GALNTL6: variants seen among roughly 807,000 people sequenced by gnomAD.
The protein encoded by GALNTL6 is polypeptide N-acetylgalactosaminyltransferase-like 6.
Under a neutral mutation model 73.7 loss-of-function variants are expected in GALNTL6, and 46 were observed. The ratio of observed to expected loss-of-function variants is 0.62; its 90% confidence interval spans 0.49 to 0.80. The LOEUF is 0.80. Among genes scored for constraint, GALNTL6 ranks in the 30% least tolerant of loss-of-function variants. The pLI is 0.00. For synonymous variants in GALNTL6, 259 were observed against 263.7 expected, an observed-to-expected ratio of 0.98 and a Z score of 0.17; for missense variants, 604 against 755.0, an observed-to-expected ratio of 0.80 and a Z score of 2.34.
intron 5 of GALNTL6, among the ~76,000 whole-genome samples, chr4:172,532,770 T>C (rs1002434504): frequency 3.3e-5 from 5 of 152,170 alleles, no homozygotes; most frequent in African/African-American, 1.2e-4. Context: ...TATATCTCCA[T>C]GGCTTTGTTT....
At chr4:172,184,043 G>A (rs1269692654) in intron 2 of GALNTL6, among the ~76,000 whole-genome samples, 3 of 151,998 alleles carry the variant, frequency 2.0e-5, no homozygotes, top group African/African-American at 7.3e-5. Context: ...CACCCACCTC[G>A]GCCTCCCAAA....
At chr4:172,848,203 T>C (rs1157907319) in intron 7 of GALNTL6, among the ~76,000 whole-genome samples, 1 of 152,132 alleles carries the variant, frequency 6.6e-6, no homozygotes, top group African/African-American at 2.4e-5. Flanking sequence ...GAAAACCTGC[T>C]CCTCTTCCAG....
At chr4:172,528,319 A>T (rs867439455) in intron 5 of GALNTL6, among the ~76,000 whole-genome samples, 24 of 103,666 alleles carry the variant, frequency 2.3e-4, no homozygotes, top group African/African-American at 1.0e-3. Context: ...CTAGAAATAA[A>T]ATATATATAT....
At chr4:172,734,727 C>T (rs1054816214) in intron 5 of GALNTL6, among the ~76,000 whole-genome samples, 1 of 151,938 alleles carries the variant, frequency 6.6e-6, no homozygotes, top group African/African-American at 2.4e-5. Flanking sequence ...GGATCACAGG[C>T]CCAGAGGTCT....
chr4:172,184,365 G>A (rs1048071145), intron 2 of GALNTL6, among the ~76,000 whole-genome samples: 5 of 152,164 alleles, frequency 3.3e-5, no homozygotes, highest in African/African-American at 1.2e-4. Context: ...CTGGTGTGAA[G>A]CTCATGCCCT....
intron 5 of GALNTL6, among the ~76,000 whole-genome samples, chr4:172,742,569 G>C (rs2332550): frequency 0.36 from 54,342 of 151,602 alleles, 10,756 homozygotes; most frequent in African/African-American, 0.52. Flanking sequence ...ACAGGGATAG[G>C]TAAGGAAAAA....
chr4:171,942,906 A>G (rs1299120242), intron 2 of GALNTL6, among the ~76,000 whole-genome samples: 1 of 152,208 alleles, frequency 6.6e-6, no homozygotes, highest in Non-Finnish European at 1.5e-5. Context: ...GGCTCAATCC[A>G]TGGCACAGCC....
At position 171,894,541 on chromosome 4, in the gene GALNTL6, T is replaced by C. The variant is rs779397783; in HGVS notation, c.138+79823T>C. 2.2e-4 allele frequency among the ~76,000 whole-genome samples: 34 copies of C among 152,234 alleles called. 1 individual carries two copies. Among genetic ancestry groups the C allele is most frequent in the Non-Finnish European group, 5.9e-5 (4 of 68,044 alleles). On this transcript the variant is annotated intron_variant, in intron 2 of 12. Transcript: ENST00000506823. ...AGAGAAAGAAAACATAAATATTTTC[T>C]TTAATGTTTGAAATTTTTTGAAAAG...
chr4:172,010,041 G>A (rs1301115764), intron 2 of GALNTL6, among the ~76,000 whole-genome samples: 1 of 152,058 alleles, frequency 6.6e-6, no homozygotes, highest in Admixed American at 6.6e-5. Flanking sequence ...AGGAGACTCC[G>A]AGGACCAAAT....
intron 5 of GALNTL6, among the ~76,000 whole-genome samples, chr4:172,723,791 TA>T (rs1735635650): frequency 9.3e-5 from 1 of 10,750 alleles, no homozygotes; most frequent in African/African-American, 1.5e-4. Context: ...TCACTTTAGG[TA>T]TCAAAGAGTG....
At chr4:172,316,890 G>T (rs1056508959) in intron 4 of GALNTL6, among the ~76,000 whole-genome samples, 4 of 152,110 alleles carry the variant, frequency 2.6e-5, no homozygotes, top group African/African-American at 7.2e-5. Context: ...AGAATAAGAT[G>T]ACTGATCTCC....
At chr4:172,198,086 G>C (rs1440693467) in intron 2 of GALNTL6, among the ~76,000 whole-genome samples, 1 of 152,026 alleles carries the variant, frequency 6.6e-6, no homozygotes, top group African/African-American at 2.4e-5. Flanking sequence ...ACTCCAGCCT[G>C]AGCAACAGAG....
chr4:172,405,136 T>C (rs192452614), intron 5 of GALNTL6, among the ~76,000 whole-genome samples: 416 of 151,944 alleles, frequency 2.7e-3, no homozygotes, highest in Middle Eastern at 6.8e-3. Context: ...AAAGCCTTCT[T>C]GTCAGGCTTA....
intron 4 of GALNTL6, among the ~76,000 whole-genome samples, chr4:172,313,085 TAA>T (rs1190792931): frequency 1.3e-5 from 2 of 151,652 alleles, no homozygotes; most frequent in African/African-American, 4.8e-5. Flanking sequence ...ATAAATATGC[TAA>T]GAGAGTAATT....
intron 5 of GALNTL6, among the ~76,000 whole-genome samples, chr4:172,530,368 T>TTC (rs1735128659): frequency 6.6e-6 from 1 of 152,208 alleles, no homozygotes; most frequent in Non-Finnish European, 1.5e-5. Flanking sequence ...CTCGCCTACC[T>TTC]TCTCTGTTCC....
At chr4:172,363,626 G>C (rs1284495044) in intron 5 of GALNTL6, among the ~76,000 whole-genome samples, 1 of 152,082 alleles carries the variant, frequency 6.6e-6, no homozygotes, top group Admixed American at 6.6e-5. Context: ...TGATTTGACT[G>C]TGAGTTTATA....
chr4:171,935,613 C>T (rs536288403), intron 2 of GALNTL6, among the ~76,000 whole-genome samples: 52 of 152,216 alleles, frequency 3.4e-4, no homozygotes, highest in African/African-American at 1.2e-3. Flanking sequence ...GGGACCACAG[C>T]GACATGCCAC....
At chr4:172,514,326 C>T (rs1734527607) in intron 5 of GALNTL6, among the ~76,000 whole-genome samples, 1 of 152,260 alleles carries the variant, frequency 6.6e-6, no homozygotes, top group East Asian at 1.9e-4. Context: ...GGGATTATGA[C>T]TGCCTCTGCT....
intron 2 of GALNTL6, among the ~76,000 whole-genome samples, chr4:172,180,640 G>A (rs1287638934): frequency 6.6e-6 from 1 of 152,116 alleles, no homozygotes; most frequent in African/African-American, 2.4e-5. Flanking sequence ...GTGTAAGGAA[G>A]CGGTCCAGTT....
Sources: gnomAD v4.1 joint callset for allele counts (sites outside exome capture counted in the v4.1 genomes callset) on GRCh38, gnomAD v4.1.1 for gene constraint, MANE v1.5 for transcripts, NCBI Gene and HGNC (gene_info 2026-07-23, HGNC 2026-07-21) for gene names.